The following FAM222B variants were observed in gnomAD, a reference collection of about 807,000 sequenced individuals.
The protein encoded by FAM222B is protein FAM222B.
A neutral mutation model predicts 38.0 loss-of-function variants in FAM222B; 12 were observed. The ratio of observed to expected loss-of-function variants is 0.32; its 90% CI spans 0.20 to 0.51. The LOEUF (loss-of-function observed/expected upper bound fraction) is 0.51, where lower values mean the gene tolerates loss of function less well. Among genes scored for constraint, FAM222B ranks in the 20% least tolerant of loss-of-function variants. The pLI, the probability that FAM222B is intolerant of heterozygous loss-of-function variation, is 0.97. For missense variants in FAM222B, 716 were observed against 754.2 expected (o/e 0.95, Z 0.59); for synonymous variants, 329 against 317.2 (o/e 1.04, Z -0.40).
intron 1 of FAM222B, among the ~76,000 whole-genome samples, chr17:28,818,587 G>A (rs1442043650): frequency 6.6e-6 from 1 of 151,018 alleles, no homozygotes; most frequent in African/African-American, 2.4e-5. Flanking sequence ...AAAATAACAA[G>A]ACTCTATAGG....
intron 1 of FAM222B, among the ~76,000 whole-genome samples, chr17:28,841,320 A>T (rs994434037): frequency 1.3e-5 from 2 of 152,036 alleles, no homozygotes; most frequent in African/African-American, 4.8e-5. Context: ...ATAATAAACA[A>T]ATTATATTTT....
intron 1 of FAM222B, among the ~76,000 whole-genome samples, chr17:28,833,554 A>T (rs1372507639): frequency 6.8e-6 from 1 of 147,892 alleles, no homozygotes; most frequent in Non-Finnish European, 1.5e-5. Context: ...CTGAGGTTGC[A>T]GTCAGCTGAG....
intron 1 of FAM222B, among the ~76,000 whole-genome samples, chr17:28,810,213 C>G (rs1417705330): frequency 6.6e-6 from 1 of 151,958 alleles, no homozygotes; most frequent in Non-Finnish European, 1.5e-5. Flanking sequence ...TGGTCTTTAA[C>G]TTCTGACTTC....
chr17:28,831,289 C>T (rs1356052661), intron 1 of FAM222B, among the ~76,000 whole-genome samples: 1 of 151,736 alleles, frequency 6.6e-6, no homozygotes, highest in African/African-American at 2.4e-5. Context: ...CCACCGTGCC[C>T]GGCCTGAATC....
At chr17:28,854,156 G>A (rs930094200) in intron 1 of FAM222B, among the ~76,000 whole-genome samples, 2 of 151,994 alleles carry the variant, frequency 1.3e-5, no homozygotes, top group African/African-American at 4.8e-5. Flanking sequence ...TATTAGCCAG[G>A]ATGGTCTCGA....
chr17:28,785,833 G>A (rs566540249), intron 1 of FAM222B, among the ~76,000 whole-genome samples: 9 of 151,812 alleles, frequency 5.9e-5, no homozygotes, highest in South Asian at 2.1e-4. Context: ...TCAGCCTCCC[G>A]AGTAGCTGGG....
In FAM222B at chr17:28,759,682, T is replaced by G. The variant is rs1170062728; in HGVS notation, c.277A>C (p.Thr93Pro). The G allele has an allele frequency of 6.2e-7, 1 of 1,613,688 alleles. No individual in the cohort carries two copies. The highest frequency in any genetic ancestry group is 1.7e-4 in the Middle Eastern group (1 of 6,060). Residue 93 changes from threonine (T) to proline (P), a missense_variant, in exon 3 of 3, where the codon ACA (threonine) becomes CCA (proline). Transcript: ENST00000581407. This position sits in a 1 kb window ranked among gnomAD's most constrained non-coding sequence, Gnocchi z 4.8. The stretch of plus-strand genomic sequence containing the variant: ...AGGCCTGCCTTGGTGGCAGCCTGTG[T>G]CGGGTAGGGGCTGTAGCGCTGGGCT... Reference protein sequence around the residue: ...TSAQRYSPYPTQAATKAGLLA... With the variant: ...TSAQRYSPYPPQAATKAGLLA...
At chr17:28,771,291 G>C (rs2035620840) in intron 1 of FAM222B, among the ~76,000 whole-genome samples, 1 of 152,164 alleles carries the variant, frequency 6.6e-6, no homozygotes, top group African/African-American at 2.4e-5. Context: ...GAGGAAGGTA[G>C]AGTATGATTA....
upstream of FAM222B, among the ~76,000 whole-genome samples, chr17:28,845,527 G>A (rs575060606): frequency 3.4e-3 from 515 of 149,908 alleles, 6 homozygotes; most frequent in African/African-American, 0.012. Flanking sequence ...GCAGTGAGCC[G>A]AGATCGCGCC....
At chr17:28,810,254 TGCTG>T (rs2037690875) in intron 1 of FAM222B, among the ~76,000 whole-genome samples, 1 of 152,202 alleles carries the variant, frequency 6.6e-6, no homozygotes, top group African/African-American at 2.4e-5. Context: ...CCTCCCAAAG[TGCTG>T]GGATTACAGG....
At chr17:28,790,562 G>A (rs574794931) in intron 1 of FAM222B, 2 of 152,316 alleles carry the variant, frequency 1.3e-5, no homozygotes, top group East Asian at 3.9e-4. Flanking sequence ...TTCCAGACTG[G>A]AGGAGACTAA....
intron 2 of FAM222B, among the ~76,000 whole-genome samples, chr17:28,762,830 C>T (rs1017700017): frequency 6.7e-6 from 1 of 150,060 alleles, no homozygotes; most frequent in African/African-American, 2.5e-5. Context: ...ATCCCAGCTA[C>T]TCGGGAGGCT....
chr17:28,827,073 G>A (rs2038467375), intron 1 of FAM222B, among the ~76,000 whole-genome samples: 1 of 151,818 alleles, frequency 6.6e-6, no homozygotes, highest in East Asian at 1.9e-4. Flanking sequence ...TTTAGGCCCA[G>A]GAGTTTGAGG....
chr17:28,768,495 G>A (rs537376464), intron 1 of FAM222B, among the ~76,000 whole-genome samples: 3 of 152,062 alleles, frequency 2.0e-5, no homozygotes, highest in African/African-American at 7.2e-5. Context: ...TCTGGTGGGT[G>A]GGAAAACAGA....
upstream of FAM222B, among the ~76,000 whole-genome samples, chr17:28,843,363 C>T (rs1015226198): frequency 2.0e-5 from 3 of 150,712 alleles, no homozygotes; most frequent in African/African-American, 4.9e-5. Context: ...TCTCGAACTC[C>T]CGACCTCAGG....
At chr17:28,827,996 G>GA (rs1356601472) in intron 1 of FAM222B, among the ~76,000 whole-genome samples, 3 of 148,372 alleles carry the variant, frequency 2.0e-5, no homozygotes, top group Admixed American at 6.8e-5. Flanking sequence ...TGGTATAAAT[G>GA]AAAAAATGCA....
intron 1 of FAM222B, among the ~76,000 whole-genome samples, chr17:28,801,176 A>T (rs1357875899): frequency 1.3e-5 from 2 of 150,066 alleles, no homozygotes; most frequent in Non-Finnish European, 3.0e-5. Flanking sequence ...AAAAAAGACC[A>T]GGCGCAGTGG....
At chr17:28,840,176 G>A (rs1326109535) in intron 1 of FAM222B, among the ~76,000 whole-genome samples, 1 of 152,002 alleles carries the variant, frequency 6.6e-6, no homozygotes, top group Non-Finnish European at 1.5e-5. Flanking sequence ...AAACCAGCCT[G>A]ACCAAAATGG....
chr17:28,847,901 G>T (rs1430633188), intron 1 of FAM222B, among the ~76,000 whole-genome samples: 2 of 147,708 alleles, frequency 1.4e-5, no homozygotes, highest in African/African-American at 5.0e-5. Context: ...GCGAAAGAGC[G>T]AGACTCCGCC....
Sources: gnomAD v4.1 joint callset for allele counts (sites outside exome capture counted in the v4.1 genomes callset) on GRCh38, gnomAD v4.1.1 for gene constraint, Gnocchi (gnomAD v3.1) non-coding constraint, MANE v1.5 for transcripts, NCBI Gene and HGNC (gene_info 2026-07-23, HGNC 2026-07-21) for gene names.